The following SHROOM3 variants were observed in gnomAD, a reference collection of about 807,000 sequenced individuals.
The protein encoded by SHROOM3 is shroom family member 3, also known as protein Shroom3.
In SHROOM3, 47 loss-of-function variants were observed where a neutral mutation model predicts 138.6. That is an observed-to-expected ratio of 0.34 (90% CI 0.27 to 0.43). SHROOM3 has a LOEUF of 0.43. SHROOM3 is among the 20% of genes least tolerant of loss of function. The pLI, the probability that SHROOM3 is intolerant of heterozygous loss-of-function variation, is 1.00. For missense variants in SHROOM3, 2,491 were observed against 2,596.5 expected (o/e 0.96, Z 0.88); for synonymous variants, 1,062 against 1,063.3 (o/e 1.00, Z 0.02).
chr4:76,627,802 A>G (rs1191656727), intron 2 of SHROOM3, among the ~76,000 whole-genome samples: 1 of 152,078 alleles, frequency 6.6e-6, no homozygotes, highest in African/African-American at 2.4e-5. Context: ...CCTCCCCAGT[A>G]GCTGGGACTA....
chr4:76,715,232 G>A (rs1720339925), intron 3 of SHROOM3, among the ~76,000 whole-genome samples: 1 of 152,068 alleles, frequency 6.6e-6, no homozygotes, highest in African/African-American at 2.4e-5. Context: ...AGCCAGGAAG[G>A]ATCTTCTCAC....
At chr4:76,773,373 G>GAAA (rs574066208) in intron 10 of SHROOM3, among the ~76,000 whole-genome samples, 2 of 80,682 alleles carry the variant, frequency 2.5e-5, no homozygotes, top group African/African-American at 9.2e-5. Flanking sequence ...GACTGTCTCA[G>GAAA]AAAAAAAAAA....
chr4:76,537,990 C>T (rs374272546), intron 1 of SHROOM3, among the ~76,000 whole-genome samples: 7 of 152,214 alleles, frequency 4.6e-5, no homozygotes, highest in Admixed American at 3.9e-4. Context: ...TCACTGCAAC[C>T]TCTGCCTCCT....
At chr4:76,558,043 A>C (rs1477689389) in intron 2 of SHROOM3, among the ~76,000 whole-genome samples, 2 of 152,288 alleles carry the variant, frequency 1.3e-5, no homozygotes, top group Non-Finnish European at 2.9e-5. Context: ...GTTTGGAAAC[A>C]CTGGGCATTG....
At chr4:76,593,027 T>G (rs573768512) in intron 2 of SHROOM3, among the ~76,000 whole-genome samples, 2 of 152,206 alleles carry the variant, frequency 1.3e-5, no homozygotes, top group Admixed American at 6.5e-5. Flanking sequence ...TCATAACTTA[T>G]GTCGAGTGAT....
At position 76,668,758 on chromosome 4, in the gene SHROOM3, C is replaced by G. The variant is rs141053179; in HGVS notation, c.324-41398C>G. Among the ~76,000 whole-genome samples, 632 of 152,262 alleles carry G rather than the reference C, an allele frequency of 4.2e-3. 4 individuals carry two copies. The highest frequency in any genetic ancestry group is 6.5e-3 in the Non-Finnish European group (445 of 68,010). On this transcript the variant is annotated intron_variant, in intron 2 of 10. Coordinates refer to ENST00000296043, the MANE Select transcript of SHROOM3 (RefSeq NM_020859.4). The stretch of plus-strand genomic sequence containing the variant: ...CAGTTTGAAATAGAGGATGAAGATA[C>G]AATTGATGTGTTCCAACAGCAGAGG...
intron 2 of SHROOM3, among the ~76,000 whole-genome samples, chr4:76,676,404 A>G (rs1242147883): frequency 6.6e-6 from 1 of 152,164 alleles, no homozygotes; most frequent in Non-Finnish European, 1.5e-5. Flanking sequence ...AACACTTTTC[A>G]TCTAGGAGGA....
intron 1 of SHROOM3, among the ~76,000 whole-genome samples, chr4:76,495,544 C>T (rs1427100438): frequency 6.6e-6 from 1 of 152,174 alleles, no homozygotes; most frequent in Non-Finnish European, 1.5e-5. Flanking sequence ...CCTTCATTGC[C>T]CTATAGGATT....
At chr4:76,451,098 T>G (rs571372549) in intron 1 of SHROOM3, among the ~76,000 whole-genome samples, 20 of 152,132 alleles carry the variant, frequency 1.3e-4, no homozygotes, top group Middle Eastern at 6.8e-3. Flanking sequence ...TACAGGCACC[T>G]GCCACCATGC....
intron 2 of SHROOM3, among the ~76,000 whole-genome samples, chr4:76,685,421 C>T (rs989299130): frequency 5.9e-5 from 9 of 152,082 alleles, no homozygotes; most frequent in Non-Finnish European, 5.9e-5. Context: ...TAAGAAAGTT[C>T]ATGAATTTGT....
At chr4:76,667,184 CAAGAGT>C (rs1718719928) in intron 2 of SHROOM3, among the ~76,000 whole-genome samples, 1 of 152,038 alleles carries the variant, frequency 6.6e-6, no homozygotes, top group Non-Finnish European at 1.5e-5. Flanking sequence ...GTTCTGAGTA[CAAGAGT>C]AAAAGAGTTC....
chr4:76,515,865 T>G (rs988167862), intron 1 of SHROOM3, among the ~76,000 whole-genome samples: 6 of 152,228 alleles, frequency 3.9e-5, no homozygotes, highest in Non-Finnish European at 8.8e-5. Context: ...TGCCTGGTAC[T>G]ACTTTATGAG....
chr4:76,770,955 A>G, intron 10 of SHROOM3, 57 bp downstream of exon 10: 1 of 1,605,704 alleles, frequency 6.2e-7, no homozygotes, highest in Non-Finnish European at 8.5e-7. Context: ...ACATACATAG[A>G]GAGGCGCCAT....
intron 1 of SHROOM3, among the ~76,000 whole-genome samples, chr4:76,444,277 G>GTT (rs1426655997): frequency 6.6e-6 from 1 of 150,580 alleles, no homozygotes; most frequent in Non-Finnish European, 1.5e-5. Flanking sequence ...TAATTTCTAT[G>GTT]TTATATATAT....
Position 76,720,151 on chromosome 4 carries a change from GTTTTTTTTTTTTTTTT to G in SHROOM3, c.455+9878_455+9893del, listed in dbSNP as rs59839066. The stretch of plus-strand genomic sequence containing the variant: ...AAAGCCTTGGAAAAGTGTTTTTTAG[GTTTTTTTTTTTTTTTT>G]TTTTTTTTTTTTTGTGAATCCAAAA... On this transcript the variant is annotated intron_variant, in intron 3 of 10. Coordinates refer to ENST00000296043, the MANE Select transcript of SHROOM3 (RefSeq NM_020859.4). Among the ~76,000 whole-genome samples the G allele has an allele frequency of 2.8e-4, 23 of 82,998 alleles. No individual in the cohort carries two copies. In the Admixed American group the frequency reaches 3.2e-3, roughly 12 times the overall value. The allele number at this position is 82,998 out of a possible 152,430, so 54.4% of individuals were successfully genotyped here.
chr4:76,552,752 TG>T (rs111646009), intron 1 of SHROOM3, among the ~76,000 whole-genome samples: 4,926 of 152,040 alleles, frequency 0.032, 263 homozygotes, highest in African/African-American at 0.11. Context: ...TGAGACCTAT[TG>T]AAGGTTTTTG....
intron 2 of SHROOM3, among the ~76,000 whole-genome samples, chr4:76,603,838 CTTTT>C (rs993165829): frequency 1.0e-5 from 1 of 97,280 alleles, no homozygotes. Context: ...ATCTTGTATT[CTTTT>C]TTTTTTTTTT....
At chr4:76,456,108 G>C (rs1254734344) in intron 1 of SHROOM3, among the ~76,000 whole-genome samples, 1 of 152,132 alleles carries the variant, frequency 6.6e-6, no homozygotes, top group African/African-American at 2.4e-5. Flanking sequence ...CCTGGTTCAA[G>C]CGATTCTCCT....
chr4:76,596,714 A>G (rs1734397249), intron 2 of SHROOM3, among the ~76,000 whole-genome samples: 1 of 152,030 alleles, frequency 6.6e-6, no homozygotes. Flanking sequence ...TTCTCAAGAA[A>G]TTCCCATTTT....
Sources: allele counts gnomAD v4.1 joint callset (sites outside exome capture counted in the v4.1 genomes callset), GRCh38; gene constraint gnomAD v4.1.1; transcripts MANE v1.5; gene names NCBI Gene and HGNC (gene_info 2026-07-23, HGNC 2026-07-21).